TUBGCP3: variants seen among roughly 807,000 people sequenced by gnomAD.
TUBGCP3 encodes tubulin gamma complex component 3.
In TUBGCP3, 50 loss-of-function variants were observed where a neutral mutation model predicts 123.1. The ratio of observed to expected loss-of-function variants is 0.41; its 90% CI spans 0.32 to 0.51. TUBGCP3 has a LOEUF of 0.51. TUBGCP3 is among the 20% of genes least tolerant of loss of function. TUBGCP3 has a pLI of 0.36. For missense variants in TUBGCP3, 882 were observed against 1,127.0 expected (o/e 0.78, Z 3.11); for synonymous variants, 405 against 413.9 (o/e 0.98, Z 0.26).
chr13:112,578,611 T>C (rs1190726418), intron 1 of TUBGCP3, among the ~76,000 whole-genome samples: 2 of 143,410 alleles, frequency 1.4e-5, no homozygotes, highest in African/African-American at 2.6e-5. Context: ...TTATCTCAAG[T>C]AGCAGAGCAG....
chr13:112,529,655 A>C (rs1320877568), intron 11 of TUBGCP3, among the ~76,000 whole-genome samples: 1 of 152,056 alleles, frequency 6.6e-6, no homozygotes, highest in Non-Finnish European at 1.5e-5. Context: ...GTCTCTCCCA[A>C]TACCTAGAAT....
At chr13:112,579,117 T>C (rs1034925234) in intron 1 of TUBGCP3, among the ~76,000 whole-genome samples, 21 of 151,584 alleles carry the variant, frequency 1.4e-4, no homozygotes, top group African/African-American at 5.1e-4. Context: ...TAAGCAAAAG[T>C]TTTGAACAGA....
chr13:112,588,876 C>T (rs1203197313), upstream of TUBGCP3, among the ~76,000 whole-genome samples: 1 of 152,232 alleles, frequency 6.6e-6, no homozygotes, highest in Admixed American at 6.5e-5. Context: ...ATCCCAACAT[C>T]CCAGCTGAGG....
At chr13:112,498,388 C>T (rs548468108) in intron 20 of TUBGCP3, among the ~76,000 whole-genome samples, 4 of 152,292 alleles carry the variant, frequency 2.6e-5, no homozygotes, top group African/African-American at 9.6e-5. Flanking sequence ...ACCTTAAATA[C>T]ATAGTAGCCT....
At chr13:112,512,677 G>A (rs1881750443) in intron 17 of TUBGCP3, among the ~76,000 whole-genome samples, 1 of 152,108 alleles carries the variant, frequency 6.6e-6, no homozygotes, top group African/African-American at 2.4e-5. Flanking sequence ...GGAGGTTGCA[G>A]TGAGCCAAAA....
chr13:112,526,819 C>A, intron 13 of TUBGCP3, 123 bp downstream of exon 13: 1 of 715,708 alleles, frequency 1.4e-6, no homozygotes. Context: ...CCATCATCCC[C>A]ATCATCACAC....
At chr13:112,595,820 G>C in the TUBGCP3 span, among the ~76,000 whole-genome samples, 2 of 151,958 alleles carry the variant, frequency 1.3e-5, no homozygotes, top group African/African-American at 4.8e-5. Context: ...GATATGTAAG[G>C]CTTGAGTCTG....
At position 112,578,558 on chromosome 13, in the gene TUBGCP3, CAAAAAAAAAAAAAAA is replaced by C. The variant is rs71131496; in HGVS notation, c.77-9314_77-9300del. The stretch of plus-strand genomic sequence containing the variant: ...TGGGCGAAAGAGTGAGACTCCGTCT[CAAAAAAAAAAAAAAA>C]AAAAAAAAAAAAAGAACCTGCTCTC... On this transcript the variant is annotated intron_variant, in intron 1 of 21. Transcript: ENST00000261965. 1.7e-3 allele frequency among the ~76,000 whole-genome samples: 43 copies of C among 24,912 alleles called. 1 individual carries two copies. Among genetic ancestry groups the C allele is most frequent in the East Asian group, 3.8e-3 (2 of 528 alleles). The allele number at this position is 24,912 out of a possible 152,430, so 16.3% of individuals were successfully genotyped here. A position where few individuals can be genotyped will look rare whatever the true frequency, so the allele number is the denominator to read the frequency against.
At chr13:112,551,640 CTA>C (rs1879597104) in intron 8 of TUBGCP3, among the ~76,000 whole-genome samples, 1 of 152,192 alleles carries the variant, frequency 6.6e-6, no homozygotes, top group Non-Finnish European at 1.5e-5. Flanking sequence ...TACCTGCCAT[CTA>C]CTAGTCAGGG....
intron 20 of TUBGCP3, among the ~76,000 whole-genome samples, chr13:112,498,218 G>A (rs1030309112): frequency 1.3e-5 from 2 of 152,214 alleles, no homozygotes; most frequent in African/African-American, 4.8e-5. Context: ...CTACTTTAAC[G>A]ATGGGTTTAT....
At chr13:112,589,119 A>T (rs1341212457), upstream of TUBGCP3, among the ~76,000 whole-genome samples, 1 of 152,194 alleles carries the variant, frequency 6.6e-6, no homozygotes, top group Non-Finnish European at 1.5e-5. Flanking sequence ...CAAGGATGCG[A>T]TCACCCCTCA....
intron 8 of TUBGCP3, 48 bp from the exon 9 acceptor site, chr13:112,548,224 TTGAC>T: frequency 6.9e-7 from 1 of 1,452,370 alleles, no homozygotes; most frequent in Non-Finnish European, 9.5e-7. Flanking sequence ...TCATTACACA[TTGAC>T]TGATTTTAAG....
At chr13:112,577,712 T>A (rs946106627) in intron 1 of TUBGCP3, among the ~76,000 whole-genome samples, 12 of 152,214 alleles carry the variant, frequency 7.9e-5, no homozygotes, top group Non-Finnish European at 1.8e-4. Flanking sequence ...AACTCTATAT[T>A]TGCAATTTTT....
chr13:112,524,584 A>G lies in TUBGCP3; in HGVS notation c.1556-2075T>C, dbSNP rs980925778. 1.8e-4 allele frequency among the ~76,000 whole-genome samples: 28 copies of G among 152,304 alleles called. No homozygotes were observed. The highest frequency in any genetic ancestry group is 5.8e-4 in the African/African-American group (24 of 41,560). ...ATTTCCCCAAAATCTATATTGGATCACATCTATCTCTATTCCAGGAACAAT... is the reference window on the plus strand; with the variant it reads ...ATTTCCCCAAAATCTATATTGGATCGCATCTATCTCTATTCCAGGAACAAT... On this transcript the variant is annotated intron_variant, in intron 13 of 21. Coordinates refer to ENST00000261965, the MANE Select transcript of TUBGCP3 (RefSeq NM_006322.6). This position sits in a 1 kb window ranked among gnomAD's most constrained non-coding sequence, Gnocchi z 4.4.
chr13:112,525,643 C>T (rs764077297), intron 13 of TUBGCP3, among the ~76,000 whole-genome samples: 1 of 152,132 alleles, frequency 6.6e-6, no homozygotes, highest in Non-Finnish European at 1.5e-5. Flanking sequence ...GTGGGGCAGG[C>T]GGCAAATGGG....
intron 13 of TUBGCP3, among the ~76,000 whole-genome samples, chr13:112,522,949 T>C (rs1161195680): frequency 6.6e-6 from 1 of 152,186 alleles, no homozygotes; most frequent in Non-Finnish European, 1.5e-5. Context: ...TCATGCACCA[T>C]AGAGTGAACT....
the TUBGCP3 span, chr13:112,603,894 GCT>G: frequency 6.6e-6 from 1 of 152,262 alleles, no homozygotes; most frequent in Non-Finnish European, 1.5e-5. Flanking sequence ...AGGCTGTTCT[GCT>G]CTCTTGATTG....
intron 16 of TUBGCP3, among the ~76,000 whole-genome samples, chr13:112,516,872 G>A (rs1876177798): frequency 6.6e-6 from 1 of 152,180 alleles, no homozygotes; most frequent in South Asian, 2.1e-4. Context: ...CCGCCTGAGG[G>A]ATCCGTGAGG....
Position 112,519,998 on chromosome 13 carries a change from G to A in TUBGCP3, c.1769C>T (p.Thr590Met), listed in dbSNP as rs772193429. Residue 590 changes from threonine (T) to methionine (M), a missense_variant, in exon 15 of 22, where the codon ACG becomes ATG. Thr to Met is a moderately conservative substitution (Grantham distance 81, BLOSUM62 -1). Transcript: ENST00000261965. The surrounding 1 kb of genome is among the most constrained non-coding windows in gnomAD (Gnocchi z 6.2). The part of the protein sequence containing the change: ...LLKPELVRPA[T>M]TLYQHNLTGI... ...AGTCAAGTTATGCTGATACAAAGTCGTAGCTGGACGGACAAGTTCTGGTCT... is the reference window on the plus strand; with the variant it reads ...AGTCAAGTTATGCTGATACAAAGTCATAGCTGGACGGACAAGTTCTGGTCT... 1.2e-5 allele frequency: 19 copies of A among 1,613,764 alleles called. 1 individual carries two copies. The highest frequency in any genetic ancestry group is 8.8e-5 in the South Asian group (8 of 91,062).
Sources: gnomAD v4.1 joint callset for allele counts (sites outside exome capture counted in the v4.1 genomes callset) on GRCh38, gnomAD v4.1.1 for gene constraint, Gnocchi (gnomAD v3.1) non-coding constraint, MANE v1.5 for transcripts, NCBI Gene and HGNC (gene_info 2026-07-23, HGNC 2026-07-21) for gene names.